The following IARS1 variants were observed in gnomAD, a reference collection of about 807,000 sequenced individuals.
IARS1 encodes isoleucyl-tRNA synthetase 1, also known as isoleucine--tRNA ligase, cytoplasmic.
In IARS1, 124 loss-of-function variants were observed where a neutral mutation model predicts 168.2. The observed-to-expected ratio is 0.74, with a 90% CI of 0.64 to 0.86. The LOEUF is 0.86. IARS1 is among the 40% of genes least tolerant of loss of function. The pLI is 0.00. For missense variants in IARS1, 1,452 were observed against 1,515.8 expected (o/e 0.96, Z 0.70); for synonymous variants, 532 against 529.4 (o/e 1.00, Z -0.07).
chr9:92,231,811 A>C (rs1262273856), intron 30 of IARS1, among the ~76,000 whole-genome samples: 5 of 152,194 alleles, frequency 3.3e-5, no homozygotes, highest in African/African-American at 1.2e-4. Flanking sequence ...AAGAAAAATA[A>C]GCATTTCACA....
intron 26 of IARS1, among the ~76,000 whole-genome samples, chr9:92,246,716 G>A (rs1829252658): frequency 6.6e-6 from 1 of 152,092 alleles, no homozygotes; most frequent in Non-Finnish European, 1.5e-5. Flanking sequence ...CTGGCTAAGT[G>A]TGGTAGTATG....
At chr9:92,267,648 C>T (rs1832467461) in intron 14 of IARS1, among the ~76,000 whole-genome samples, 2 of 152,218 alleles carry the variant, frequency 1.3e-5, no homozygotes, top group African/African-American at 2.4e-5. Flanking sequence ...TGGGAGCCAT[C>T]ACACCCGGCC....
chr9:92,223,758 A>G (rs1825189475), intron 31 of IARS1, among the ~76,000 whole-genome samples: 1 of 152,212 alleles, frequency 6.6e-6, no homozygotes, highest in African/African-American at 2.4e-5. Context: ...TTTTCTCTGT[A>G]TAATACAGCT....
chr9:92,250,669 C>G (rs1829887336), intron 23 of IARS1, 44 bp downstream of exon 23: 7 of 1,510,624 alleles, frequency 4.6e-6, no homozygotes, highest in Non-Finnish European at 6.3e-6. Context: ...GAGCAACTCT[C>G]CCCTCCTTGG....
intron 31 of IARS1, among the ~76,000 whole-genome samples, chr9:92,226,150 T>C (rs146302827): frequency 9.8e-4 from 150 of 152,374 alleles, no homozygotes; most frequent in African/African-American, 3.5e-3. Context: ...TTCTCAGACC[T>C]CTAACTTGCT....
intron 1 of IARS1, chr9:92,293,328 G>A (rs1836687771): frequency 7.0e-6 from 2 of 283,774 alleles, no homozygotes; most frequent in South Asian, 3.4e-5. Context: ...AGCCATTGAA[G>A]GTAATAAATT....
Position 92,263,046 on chromosome 9 carries a change from G to C in IARS1, c.1710C>G (p.Thr570=). The change falls in exon 17 of 34, where the codon ACC becomes ACG. Residue 570 remains threonine, a synonymous_variant. Transcript: ENST00000443024. ...AGAGGGCCGTGGCCAGCACCAGCAGGGTATAAAACCTGAAAAAAAACCCCA... is the reference window on the plus strand; with the variant it reads ...AGAGGGCCGTGGCCAGCACCAGCAGCGTATAAAACCTGAAAAAAAACCCCA... The part of the protein sequence containing the change: ...GIDQTRGWFY[T]LLVLATALFG... The C allele has an allele frequency of 6.2e-7, 1 of 1,613,122 alleles. No homozygotes were observed. Among genetic ancestry groups the C allele is most frequent in the Non-Finnish European group, 8.5e-7 (1 of 1,179,408 alleles).
Position 92,293,634 on chromosome 9 carries a change from C to CG in IARS1, c.-32_-31insC, listed in dbSNP as rs1395509904. On this transcript the variant is annotated 5_prime_UTR_variant, in exon 1 of 34. Transcript: ENST00000443024. ...ACCTGAGGGGCCTCGCGTGCCTGGA[C>CG]AGCCCCGCGGGCCAGCAAGCCTAAA... 1 of 320,748 alleles carries CG rather than the reference C, an allele frequency of 3.1e-6. No homozygotes were observed. Among genetic ancestry groups the CG allele is most frequent in the Non-Finnish European group, 6.6e-6 (1 of 150,730 alleles). 19.9% of individuals were successfully genotyped at this position (320,748 alleles called of 1,614,324 possible).
Position 92,258,472 on chromosome 9 carries a change from T to C in IARS1, c.2016+382A>G, listed in dbSNP as rs112500238. ...TTAGCCAGGCATGGTGGTGGGTGCC[T>C]GTAATCCCAGCTACTGGGGAGGCTG... On this transcript the variant is annotated intron_variant, in intron 19 of 33. Coordinates refer to ENST00000443024, the MANE Select transcript of IARS1 (RefSeq NM_002161.6). Among the ~76,000 whole-genome samples the C allele has an allele frequency of 3.9e-5, 6 of 152,302 alleles. 1 individual carries two copies. Among genetic ancestry groups the C allele is most frequent in the African/African-American group, 1.4e-4 (6 of 41,568 alleles).
At chr9:92,222,083 C>A (rs112448455) in intron 33 of IARS1, among the ~76,000 whole-genome samples, 1,700 of 152,062 alleles carry the variant, frequency 0.011, 39 homozygotes, top group African/African-American at 0.039. Flanking sequence ...TTTGGGAGGC[C>A]GAGGTGGGCG....
chr9:92,275,962 C>G (rs1321647719), intron 9 of IARS1, among the ~76,000 whole-genome samples: 3 of 152,210 alleles, frequency 2.0e-5, no homozygotes, highest in Admixed American at 2.0e-4. Flanking sequence ...TCTACTTAAC[C>G]TAAAGTTCCT....
intron 23 of IARS1, 134 bp downstream of exon 23, chr9:92,250,579 G>T: frequency 1.0e-6 from 1 of 978,302 alleles, no homozygotes; most frequent in Non-Finnish European, 1.5e-6. Context: ...TGCAGCCTGA[G>T]GAGTTCATGT....
At chr9:92,253,699 G>C (rs1830329922) in intron 20 of IARS1, 1 of 530,800 alleles carries the variant, frequency 1.9e-6, no homozygotes, top group South Asian at 1.9e-5. Flanking sequence ...AATTCCCATT[G>C]GTCAGTGAGA....
intron 33 of IARS1, among the ~76,000 whole-genome samples, chr9:92,219,120 G>A (rs1175929): frequency 0.11 from 17,236 of 151,888 alleles, 1,109 homozygotes; most frequent in South Asian, 0.22. Context: ...ATAACGCCAC[G>A]TATCTACAAC....
At chr9:92,259,070 G>C in intron 18 of IARS1, 72 bp from the exon 19 acceptor site, 1 of 1,302,026 alleles carries the variant, frequency 7.7e-7, no homozygotes, top group Non-Finnish European at 1.0e-6. Flanking sequence ...TCGACATATT[G>C]AGAGAGCAAG....
At chr9:92,262,557 G>A (rs985428409) in intron 17 of IARS1, among the ~76,000 whole-genome samples, 7 of 152,116 alleles carry the variant, frequency 4.6e-5, no homozygotes, top group East Asian at 1.9e-4. Context: ...AGAGTACCTC[G>A]GTCAAGCCCA....
chr9:92,278,293 G>GA lies in IARS1; in HGVS notation c.746-8dup. 1.3e-6 allele frequency: 2 copies of GA among 1,582,124 alleles called. No homozygotes were observed. Among genetic ancestry groups the GA allele is most frequent in the Non-Finnish European group, 1.7e-6 (2 of 1,151,170 alleles). On this transcript the variant is annotated splice_region_variant and splice_polypyrimidine_tract_variant and intron_variant, in intron 7 of 33. Coordinates refer to ENST00000443024, the MANE Select transcript of IARS1 (RefSeq NM_002161.6). The stretch of plus-strand genomic sequence containing the variant: ...AATCGTCCTCTGGCAACATCTACGA[G>GA]AAAAAGGAAAAACATGGACTTGGGT...
In IARS1 at chr9:92,280,846, ATCT is replaced by A. The variant is rs1834441306; in HGVS notation, c.642_644del (p.Glu214del). On this transcript the variant is annotated inframe_deletion, in exon 7 of 34. Transcript: ENST00000443024. ...TCCAAGCAACTAAAGATACAGTTTC[ATCT>A]TCTTCCAAAGGGAAAGTTACAAATA... 2 of 1,610,928 alleles carry A rather than the reference ATCT, an allele frequency of 1.2e-6. No individual in the cohort carries two copies. Among genetic ancestry groups the A allele is most frequent in the Non-Finnish European group, 1.7e-6 (2 of 1,177,294 alleles).
chr9:92,217,783 T>C (rs1013820784), intron 33 of IARS1, among the ~76,000 whole-genome samples: 9 of 152,090 alleles, frequency 5.9e-5, no homozygotes, highest in African/African-American at 1.9e-4. Context: ...CAATAATCAA[T>C]AGCTTACCAA....
Sources: gnomAD v4.1 joint callset for allele counts (sites outside exome capture counted in the v4.1 genomes callset) on GRCh38, gnomAD v4.1.1 for gene constraint, MANE v1.5 for transcripts, NCBI Gene and HGNC (gene_info 2026-07-23, HGNC 2026-07-21) for gene names.